Variants in SNX29 observed in about 807,000 individuals in gnomAD.
The protein encoded by SNX29 is sorting nexin 29, also known as sorting nexin-29.
A neutral mutation model predicts 102.1 loss-of-function variants in SNX29; 78 were observed. That is an observed-to-expected ratio of 0.76 (90% CI 0.64 to 0.92). SNX29 has a LOEUF of 0.92. Among genes scored for constraint, SNX29 ranks in the 40% least tolerant of loss-of-function variants. The pLI, the probability that SNX29 is intolerant of heterozygous loss-of-function variation, is 0.00. For synonymous variants in SNX29, 580 were observed against 414.5 expected, an observed-to-expected ratio of 1.40 and a Z score of -4.85; for missense variants, 1,280 against 1,061.7, an observed-to-expected ratio of 1.21 and a Z score of -2.86.
chr16:12,273,962 C>T (rs530452507), intron 14 of SNX29, among the ~76,000 whole-genome samples: 1 of 152,140 alleles, frequency 6.6e-6, no homozygotes, highest in Non-Finnish European at 1.5e-5. Flanking sequence ...ATGGCTAGAC[C>T]GCATCTTGTT....
intron 13 of SNX29, among the ~76,000 whole-genome samples, chr16:12,197,915 C>A (rs957887245): frequency 2.6e-5 from 4 of 151,638 alleles, no homozygotes; most frequent in Admixed American, 6.6e-5. Flanking sequence ...AGTGCTGTTG[C>A]CGTGGGCTGA....
At chr16:12,538,763 C>T (rs1041462027) in intron 20 of SNX29, among the ~76,000 whole-genome samples, 1 of 152,162 alleles carries the variant, frequency 6.6e-6, no homozygotes, top group Admixed American at 6.6e-5. Flanking sequence ...ATCATCCAAG[C>T]TGTGAGCATG....
In SNX29 at chr16:11,995,511, T is replaced by G. The variant is rs151024297; in HGVS notation, c.8-3786T>G. 5.1e-4 allele frequency among the ~76,000 whole-genome samples: 78 copies of G among 152,052 alleles called. No individual in the cohort carries two copies. The East Asian group carries it at 5.4e-3, about 11-fold the overall frequency. ...CCTCTGGGTTGAGACCTGCACAATCTCGGGTAGTTTTTGTATAAAGAACAG... is the reference window on the plus strand; with the variant it reads ...CCTCTGGGTTGAGACCTGCACAATCGCGGGTAGTTTTTGTATAAAGAACAG... On this transcript the variant is annotated intron_variant, in intron 1 of 20. Coordinates refer to ENST00000566228, the MANE Select transcript of SNX29 (RefSeq NM_032167.5).
At chr16:12,083,493 A>G (rs1175224667) in intron 11 of SNX29, among the ~76,000 whole-genome samples, 3 of 151,958 alleles carry the variant, frequency 2.0e-5, no homozygotes, top group Non-Finnish European at 4.4e-5. Flanking sequence ...ATCTCTTCTT[A>G]TAAGGGCACC....
chr16:12,415,438 T>G (rs2084589475), intron 18 of SNX29, among the ~76,000 whole-genome samples: 1 of 152,250 alleles, frequency 6.6e-6, no homozygotes, highest in Admixed American at 6.5e-5. Context: ...GGCCTTGTAA[T>G]TACACAGCAA....
chr16:12,525,591 C>G (rs1036977816), intron 20 of SNX29, among the ~76,000 whole-genome samples: 1 of 151,702 alleles, frequency 6.6e-6, no homozygotes. Flanking sequence ...ACTTGGGAGG[C>G]TGAGGCAGGA....
chr16:12,186,510 A>G (rs1183059205), intron 13 of SNX29, among the ~76,000 whole-genome samples: 1 of 152,222 alleles, frequency 6.6e-6, no homozygotes, highest in East Asian at 1.9e-4. Flanking sequence ...GTGATGATAA[A>G]ATGCAGGAAA....
chr16:12,314,634 G>A (rs1285066891), intron 15 of SNX29, among the ~76,000 whole-genome samples: 1 of 152,258 alleles, frequency 6.6e-6, no homozygotes, highest in Non-Finnish European at 1.5e-5. Context: ...ACTTAAAGCT[G>A]TTTCTTCAGC....
In SNX29 at chr16:12,343,850, A is replaced by G. The variant is rs143036373; in HGVS notation, c.1783-12313A>G. On this transcript the variant is annotated intron_variant, in intron 15 of 20. Coordinates refer to ENST00000566228, the MANE Select transcript of SNX29 (RefSeq NM_032167.5). ...AATGAATGACTGAATAAGTAAATGAATTAGTGCTTCCAGGCCTGTGCAGGG... is the reference window on the plus strand; with the variant it reads ...AATGAATGACTGAATAAGTAAATGAGTTAGTGCTTCCAGGCCTGTGCAGGG... Among the ~76,000 whole-genome samples the G allele has an allele frequency of 1.6e-3, 242 of 152,320 alleles. 1 individual carries two copies. Among genetic ancestry groups the G allele is most frequent in the African/African-American group, 5.5e-3 (227 of 41,574 alleles).
intron 20 of SNX29, among the ~76,000 whole-genome samples, chr16:12,564,148 G>A (rs1442459515): frequency 6.6e-6 from 1 of 152,174 alleles, no homozygotes; most frequent in Non-Finnish European, 1.5e-5. Context: ...CAGCACTTGG[G>A]AGGCCTGAGG....
At chr16:12,525,068 C>T (rs1364131411) in intron 20 of SNX29, among the ~76,000 whole-genome samples, 1 of 152,138 alleles carries the variant, frequency 6.6e-6, no homozygotes, top group Non-Finnish European at 1.5e-5. Context: ...GCATTGTTGA[C>T]TTGAGGCTCA....
At chr16:12,531,297 C>G (rs1049972576) in intron 20 of SNX29, among the ~76,000 whole-genome samples, 4 of 152,208 alleles carry the variant, frequency 2.6e-5, no homozygotes, top group African/African-American at 2.4e-5. Flanking sequence ...GTCTTGGTCT[C>G]TGGGGGCTGG....
chr16:12,270,856 A>T (rs971965891), intron 14 of SNX29, among the ~76,000 whole-genome samples: 3 of 152,028 alleles, frequency 2.0e-5, no homozygotes, highest in Non-Finnish European at 4.4e-5. Context: ...CACCTGGTCA[A>T]TGTGGTGAAA....
chr16:12,529,523 C>T (rs972265591), intron 20 of SNX29, among the ~76,000 whole-genome samples: 3 of 152,098 alleles, frequency 2.0e-5, no homozygotes, highest in Admixed American at 6.6e-5. Context: ...TGGTTTTCTG[C>T]AGAGTAATTT....
intron 20 of SNX29, among the ~76,000 whole-genome samples, chr16:12,549,488 C>G (rs575513038): frequency 6.6e-6 from 1 of 151,874 alleles, no homozygotes; most frequent in South Asian, 2.1e-4. Flanking sequence ...GGAAGATCCT[C>G]ACACATACAA....
At chr16:12,558,561 C>G (rs201068564) in intron 20 of SNX29, among the ~76,000 whole-genome samples, 3 of 152,206 alleles carry the variant, frequency 2.0e-5, no homozygotes, top group South Asian at 4.1e-4. Context: ...CTCTCAGTAC[C>G]CCGTCCATGG....
At chr16:12,217,868 C>T (rs1284541275) in intron 14 of SNX29, among the ~76,000 whole-genome samples, 1 of 152,196 alleles carries the variant, frequency 6.6e-6, no homozygotes, top group Non-Finnish European at 1.5e-5. Flanking sequence ...ATGGTAACTG[C>T]CTGGCTTACT....
At chr16:12,390,133 G>A (rs192640486) in intron 16 of SNX29, among the ~76,000 whole-genome samples, 16 of 150,538 alleles carry the variant, frequency 1.1e-4, no homozygotes, top group Non-Finnish European at 1.8e-4. Context: ...ATGTTACCCC[G>A]TGCGTGCAAT....
intron 19 of SNX29, among the ~76,000 whole-genome samples, chr16:12,497,607 CCTTCT>C (rs1289237143): frequency 6.6e-6 from 1 of 152,226 alleles, no homozygotes; most frequent in African/African-American, 2.4e-5. Flanking sequence ...TGACCAGTCT[CCTTCT>C]CTTGTATTTG....
Sources: allele counts gnomAD v4.1 joint callset (sites outside exome capture counted in the v4.1 genomes callset), GRCh38; gene constraint gnomAD v4.1.1; transcripts MANE v1.5; gene names NCBI Gene and HGNC (gene_info 2026-07-23, HGNC 2026-07-21).